CLUH: variants seen among roughly 807,000 people sequenced by gnomAD.
The protein encoded by CLUH is clustered mitochondria protein homolog.
CLUH carries 77 observed loss-of-function variants against 139.3 expected under a neutral mutation model. The ratio of observed to expected loss-of-function variants is 0.55; its 90% CI spans 0.46 to 0.67. The LOEUF is 0.67. Among genes scored for constraint, CLUH ranks in the 30% least tolerant of loss-of-function variants. CLUH has a pLI of 0.00. For synonymous variants in CLUH, 999 were observed against 801.6 expected (o/e 1.25, Z -4.16); for missense variants, 1,876 against 1,875.8 (o/e 1.00, Z 0.00).
In CLUH at chr17:2,695,440, G is replaced by A. The variant is rs2069901642; in HGVS notation, c.2478C>T (p.Arg826=). The change falls in exon 14 of 26, where the codon CGC becomes CGT. Residue 826 remains arginine, a synonymous_variant. Transcript: ENST00000651024. The stretch of plus-strand genomic sequence containing the variant: ...CCAGCTCCAGCACCTTGCCCAGGTA[G>A]CGCATGTTGATGCCCCGCTGGCGCA... The part of the protein sequence containing the change: ...EVMRQRGINM[R]YLGKVLELVL... The A allele has an allele frequency of 1.9e-6, 3 of 1,612,372 alleles. No homozygotes were observed. The East Asian group carries it at 6.7e-5, about 36-fold the overall frequency.
chr17:2,698,000 G>C lies in CLUH; in HGVS notation c.1857C>G (p.Gly619=). The C allele has an allele frequency of 6.3e-7, 1 of 1,598,496 alleles. No individual in the cohort carries two copies. Among genetic ancestry groups the C allele is most frequent in the East Asian group, 2.2e-5 (1 of 44,516 alleles). ...GGGCGCATTCCTCAGGCAGCTCCTC[G>C]CCAGGCACGGGCAGGAAGTTGAGGT... ...PPDLNFLPVP[G]EELPEECARA... is the part of the protein sequence containing the mutation. Residue 619 remains glycine, a synonymous_variant, in exon 10 of 26, where the codon GGC becomes GGG. Transcript: ENST00000651024.
intron 3 of CLUH, among the ~76,000 whole-genome samples, chr17:2,702,496 G>A (rs2070221227): frequency 6.6e-6 from 1 of 152,220 alleles, no homozygotes; most frequent in African/African-American, 2.4e-5. Flanking sequence ...CTGCCCCTAT[G>A]TGGTTTCATG....
At chr17:2,695,853 G>A (rs1050616632) in intron 13 of CLUH, 3 of 579,004 alleles carry the variant, frequency 5.2e-6, no homozygotes, top group Non-Finnish European at 9.2e-6. Context: ...CAGACACAGA[G>A]CCTGCGGGAG....
At chr17:2,702,085 G>A (rs1171066183) in intron 3 of CLUH, 28 bp from the exon 4 acceptor site, 29 of 1,608,896 alleles carry the variant, frequency 1.8e-5, no homozygotes, top group African/African-American at 4.0e-5. Flanking sequence ...AGGGTATGGC[G>A]TTACCAGGGC....
intron 25 of CLUH, 115 bp downstream of exon 25, chr17:2,691,494 G>GAGGCTGCAGTGAGCCGGGATGGCGC: frequency 9.6e-7 from 1 of 1,036,826 alleles, no homozygotes. Context: ...CCGGGAGGCG[G>GAGGCTGCAGTGAGCCGGGATGGCGC]AGGCTGCAGT....
At chr17:2,690,885 G>A (rs1024631757) in intron 25 of CLUH, 108 bp from the exon 26 acceptor site, 14 of 863,270 alleles carry the variant, frequency 1.6e-5, no homozygotes, top group Admixed American at 3.4e-5. Flanking sequence ...TCTATTCAGT[G>A]GGGAATGTGT....
chr17:2,708,496 C>T (rs1019855901), intron 1 of CLUH, among the ~76,000 whole-genome samples: 3 of 152,120 alleles, frequency 2.0e-5, no homozygotes, highest in Non-Finnish European at 2.9e-5. Flanking sequence ...CAGCCCATCT[C>T]ACCTGAGGAA....
At position 2,706,681 on chromosome 17, in the gene CLUH, G is replaced by A. The variant is rs544116040; in HGVS notation, c.101-2117C>T. ...CAGAAAGACAGCCGGGGCGGTGGTC[G>A]GTCAGCTTGCAAACAGCAAGAGGCA... On this transcript the variant is annotated intron_variant, in intron 1 of 25. Coordinates refer to ENST00000651024, the MANE Select transcript of CLUH (RefSeq NM_001366661.1). The surrounding 1 kb of genome is among the most constrained non-coding windows in gnomAD (Gnocchi z 4.6). Among the ~76,000 whole-genome samples, 16 of 152,258 alleles carry A rather than the reference G, an allele frequency of 1.1e-4. No individual in the cohort carries two copies. The South Asian group carries it at 3.3e-3, about 32-fold the overall frequency.
rs920023440 is a variant in CLUH, at chr17:2,690,515, C to T, written c.*79G>A. On this transcript the variant is annotated 3_prime_UTR_variant, in exon 26 of 26. Transcript: ENST00000651024. ...AAGAGGGCCTTGCTTCCTCTTCCGC[C>T]CGCAGGCTCGCCCCCTTCTCCCGCA... 3.1e-6 allele frequency: 4 copies of T among 1,279,946 alleles called. No individual in the cohort carries two copies. Among genetic ancestry groups the T allele is most frequent in the African/African-American group, 1.6e-5 (1 of 64,104 alleles). The allele number at this position is 1,279,946 out of a possible 1,614,324, so 79.3% of individuals were successfully genotyped here. A position where few individuals can be genotyped will look rare whatever the true frequency, so the allele number is the denominator to read the frequency against.
At chr17:2,696,619 T>G (rs2069956783) in intron 11 of CLUH, 81 bp from the exon 12 acceptor site, 1 of 1,541,148 alleles carries the variant, frequency 6.5e-7, no homozygotes, top group African/African-American at 1.4e-5. Context: ...GCCCCCTAGC[T>G]CCTTGCAGAG....
At chr17:2,708,038 C>G (rs894349248) in intron 1 of CLUH, 37 of 980,622 alleles carry the variant, frequency 3.8e-5, no homozygotes, top group Non-Finnish European at 4.4e-5. Context: ...CAGGGGAGAA[C>G]AGAGCTGGCA....
chr17:2,709,403 G>A (rs935031237), intron 1 of CLUH, among the ~76,000 whole-genome samples: 5 of 152,144 alleles, frequency 3.3e-5, no homozygotes, highest in East Asian at 1.9e-4. Flanking sequence ...AGAGGCAGGC[G>A]TTCAGGGCCT....
chr17:2,691,313 C>T (rs1183394715), intron 25 of CLUH, among the ~76,000 whole-genome samples: 1 of 152,042 alleles, frequency 6.6e-6, no homozygotes, highest in African/African-American at 2.4e-5. Context: ...CCTGGAATCC[C>T]AGCACTCTGA....
At chr17:2,694,322 A>G in intron 17 of CLUH, 46 bp from the exon 18 acceptor site, 1 of 1,551,294 alleles carries the variant, frequency 6.4e-7, no homozygotes, top group Non-Finnish European at 8.7e-7. Context: ...GCCCAGGTTC[A>G]GCGGGTTGGC....
rs528950651 is a variant in CLUH, at chr17:2,696,035, C to T, written c.2391+124G>A. On this transcript the variant is annotated intron_variant, in intron 13 of 25. Coordinates refer to ENST00000651024, the MANE Select transcript of CLUH (RefSeq NM_001366661.1). ...TCCCCATCTGTCAAACGGGGATGCC[C>T]ACTCAGGGAAAGCTGAAAAAGTCAC... The T allele has an allele frequency of 5.7e-5, 44 of 770,526 alleles. No homozygotes were observed. In the Middle Eastern group the frequency reaches 1.9e-3, roughly 33 times the overall value. The allele number at this position is 770,526 out of a possible 1,614,324, so 47.7% of individuals were successfully genotyped here. A position where few individuals can be genotyped will look rare whatever the true frequency, so the allele number is the denominator to read the frequency against.
At position 2,693,947 on chromosome 17, in the gene CLUH, G is replaced by A. The variant is rs929708966; in HGVS notation, c.3184C>T (p.Leu1062=). ...GAMHVETCAC[L]RLLARLHYIM... is the part of the protein sequence containing the mutation. ...TAGTGGAGGCGGGCGAGGAGGCGCA[G>A]GCAGGCGCAGGTCTCCACGTGCATG... Residue 1062 remains leucine (L), a synonymous_variant, in exon 19 of 26, where the codon CTG becomes TTG. Coordinates refer to ENST00000651024, the MANE Select transcript of CLUH (RefSeq NM_001366661.1). 8.7e-6 allele frequency: 14 copies of A among 1,613,580 alleles called. No homozygotes were observed. The African/African-American group carries it at 1.6e-4, about 18-fold the overall frequency.
Position 2,706,509 on chromosome 17 carries a change from C to T in CLUH, c.101-1945G>A, listed in dbSNP as rs751143342. Among the ~76,000 whole-genome samples, 75 of 152,244 alleles carry T rather than the reference C, an allele frequency of 4.9e-4. No homozygotes were observed. The highest frequency in any genetic ancestry group is 1.0e-3 in the Non-Finnish European group (68 of 68,012). On this transcript the variant is annotated intron_variant, in intron 1 of 25. Transcript: ENST00000651024. This position sits in a 1 kb window ranked among gnomAD's most constrained non-coding sequence, Gnocchi z 4.6. ...CTGTGCATGTCATGGCTCTCCACCC[C>T]ACCCTCTCCAAGCCTGCAGTGGACT...
chr17:2,696,563 C>T (rs550437843), intron 11 of CLUH, 25 bp from the exon 12 acceptor site: 4 of 1,548,476 alleles, frequency 2.6e-6, no homozygotes, highest in Non-Finnish European at 3.5e-6. Context: ...CTCCATGAGA[C>T]ACGGGTCCCC....
At position 2,701,442 on chromosome 17, in the gene CLUH, T is replaced by G. The variant is rs202243507; in HGVS notation, c.823A>C (p.Met275Leu). Residue 275 changes from methionine to leucine, a missense_variant, in exon 6 of 26, where the codon ATG (methionine) becomes CTG (leucine). Around this residue, in one of 3 missense-constraint regions of CLUH, gnomAD observed 270 missense variants for 354.7 expected, o/e 0.76. Transcript: ENST00000651024. ...PGNRKMHGDLMYLFVITAEDR... is the reference protein window; with the variant it reads ...PGNRKMHGDLLYLFVITAEDR... ...TCGGCTGTGATCACAAACAGGTACATGAGGTCCCCGTGCATCTTCCGGTTC... is the reference window on the plus strand; with the variant it reads ...TCGGCTGTGATCACAAACAGGTACAGGAGGTCCCCGTGCATCTTCCGGTTC... 6.2e-7 allele frequency: 1 copy of G among 1,613,434 alleles called. No homozygotes were observed. Among genetic ancestry groups the G allele is most frequent in the Middle Eastern group, 1.7e-4 (1 of 6,060 alleles).
Sources: allele counts gnomAD v4.1 joint callset (sites outside exome capture counted in the v4.1 genomes callset), GRCh38; gene constraint gnomAD v4.1.1; regional missense constraint gnomAD v4.1.1; non-coding constraint Gnocchi (gnomAD v3.1); transcripts MANE v1.5; gene names NCBI Gene and HGNC (gene_info 2026-07-23, HGNC 2026-07-21).